Variants in RALGDS observed in about 807,000 individuals in gnomAD.
RALGDS encodes ral guanine nucleotide exchange factor.
RALGDS carries 44 observed loss-of-function variants against 99.8 expected under a neutral mutation model. The observed-to-expected ratio is 0.44, with a 90% CI of 0.35 to 0.57. The LOEUF (loss-of-function observed/expected upper bound fraction) is 0.57. Among genes scored for constraint, RALGDS ranks in the 20% least tolerant of loss-of-function variants. The pLI, the probability that RALGDS is intolerant of heterozygous loss-of-function variation, is 0.01. For missense variants in RALGDS, 1,022 were observed against 1,203.1 expected (o/e 0.85, Z 2.23); for synonymous variants, 529 against 505.0 (o/e 1.05, Z -0.64).
At chr9:133,123,747 GAC>G (rs1166799920), upstream of RALGDS, among the ~76,000 whole-genome samples, 8 of 90,944 alleles carry the variant, frequency 8.8e-5, 1 homozygote, top group Non-Finnish European at 1.6e-4. Context: ...TAGAGACAGA[GAC>G]ACAGACACAC....
At chr9:133,107,838 G>A (rs1277763903) in intron 6 of RALGDS, 150 bp downstream of exon 6, 2 of 980,190 alleles carry the variant, frequency 2.0e-6, no homozygotes, top group Non-Finnish European at 3.1e-6. Flanking sequence ...GAGGACTTGG[G>A]GTTAAGGAAC....
intron 16 of RALGDS, 197 bp from the exon 17 acceptor site, chr9:133,100,579 C>A: frequency 2.1e-6 from 3 of 1,448,210 alleles, no homozygotes; most frequent in Non-Finnish European, 2.7e-6. Context: ...TTCTGTTCCC[C>A]ATGTGAGGCC....
upstream of RALGDS, among the ~76,000 whole-genome samples, chr9:133,124,572 G>A (rs890833725): frequency 6.6e-6 from 1 of 152,266 alleles, no homozygotes; most frequent in African/African-American, 2.4e-5. Flanking sequence ...CAGATATAGA[G>A]ACATAGACAC....
Position 133,103,758 on chromosome 9 carries a change from C to T in RALGDS, c.1747G>A (p.Asp583Asn). 6.2e-7 allele frequency: 1 copy of T among 1,613,346 alleles called. No homozygotes were observed. The highest frequency in any genetic ancestry group is 8.5e-7 in the Non-Finnish European group (1 of 1,179,914). The change falls in exon 11 of 18, where the codon GAC becomes AAC. Residue 583 changes from aspartate (D) to asparagine (N), a missense_variant. Asp to Asn is a conservative substitution (Grantham distance 23). Coordinates refer to ENST00000372050, the MANE Select transcript of RALGDS (RefSeq NM_006266.4). ...CCCGGCACACTCACATACAGATAGTCCTTCATGGCAGTGTCCAGCATCACC... is the reference window on the plus strand; with the variant it reads ...CCCGGCACACTCACATACAGATAGTTCTTCATGGCAGTGTCCAGCATCACC... ...DLVMLDTAMK[D>N]YLYGRLINFE...
In RALGDS at chr9:133,140,288, A is replaced by C. The variant is rs545870811; in HGVS notation, c.18+8675T>G. 8.1e-4 allele frequency among the ~76,000 whole-genome samples: 98 copies of C among 121,484 alleles called. No individual in the cohort carries two copies. In the East Asian group the frequency reaches 0.019, roughly 24 times the overall value. 79.7% of individuals were successfully genotyped at this position (121,484 alleles called of 152,430 possible). A position where few individuals can be genotyped will look rare whatever the true frequency, so the allele number is the denominator to read the frequency against. On this transcript the variant is annotated intron_variant, in intron 1 of 17. Coordinates refer to the RALGDS transcript ENST00000393160. ...CATTACAGGCAAAGGGCACCCCCCC[A>C]CACACACATCTGGGATCAGGACAAA...
At chr9:133,135,076 A>C (rs1339778298), upstream of RALGDS, among the ~76,000 whole-genome samples, 1 of 152,108 alleles carries the variant, frequency 6.6e-6, no homozygotes, top group Non-Finnish European at 1.5e-5. Flanking sequence ...AATGACCTCC[A>C]GTTCACAGGA....
At chr9:133,130,818 G>A (rs1832313271) in intron 1 of RALGDS, 12 of 840,164 alleles carry the variant, frequency 1.4e-5, no homozygotes, top group Admixed American at 2.6e-5. Context: ...AAAAGTGTCT[G>A]TCCAGCTGCT....
rs891085331 is a variant in RALGDS, at chr9:133,144,975, C to G, written c.18+3988G>C. ...ACACGCACAGGCGGACAGACACGAA[C>G]TGATGAAGGCACAGTTTGCAGTCAC... On this transcript the variant is annotated intron_variant, in intron 1 of 17. Coordinates refer to the RALGDS transcript ENST00000393160. The surrounding 1 kb of genome is among the most constrained non-coding windows in gnomAD (Gnocchi z 4.5). Among the ~76,000 whole-genome samples, 1 of 152,212 alleles carries G rather than the reference C, an allele frequency of 6.6e-6. No individual in the cohort carries two copies. The highest frequency in any genetic ancestry group is 1.5e-5 in the Non-Finnish European group (1 of 68,034).
At position 133,102,548 on chromosome 9, in the gene RALGDS, T is replaced by C; in HGVS notation, c.1937A>G (p.Glu646Gly). 1 of 1,614,046 alleles carries C rather than the reference T, an allele frequency of 6.2e-7. No homozygotes were observed. Among genetic ancestry groups the C allele is most frequent in the Non-Finnish European group, 8.5e-7 (1 of 1,180,024 alleles). ...GTTGCTGGCTGACTCGGATGGGGGC[T>C]CCAGCTCGCACGACAGGTTGTAGCT... ...TESYNLSCEL[E>G]PPSESASNTL... Residue 646 changes from glutamate to glycine, a missense_variant, in exon 14 of 18, where the codon GAG (glutamate) becomes GGG (glycine). Transcript: ENST00000372050.
rs948598497 is a variant in RALGDS at position 133,121,237 on chromosome 9, C to T, written c.-83G>A. ...GGCCCGCGCGGCTGGGCTTTGCCAC[C>T]GCTGTGAGCCCGCGGCCCGGCCCTG... On this transcript the variant is annotated 5_prime_UTR_variant, in exon 1 of 18. Coordinates refer to ENST00000372050, the MANE Select transcript of RALGDS (RefSeq NM_006266.4). 3.1e-6 allele frequency: 3 copies of T among 979,732 alleles called. No homozygotes were observed. The highest frequency in any genetic ancestry group is 4.7e-5 in the South Asian group (1 of 21,304). The allele number at this position is 979,732 out of a possible 1,614,324, so 60.7% of individuals were successfully genotyped here. A position where few individuals can be genotyped will look rare whatever the true frequency, so the allele number is the denominator to read the frequency against.
Position 133,144,112 on chromosome 9 carries a change from C to T in RALGDS, c.18+4851G>A, listed in dbSNP as rs1302003662. ...GTCTCTATCTGCACAGACAGCCCAC[C>T]CGTGCCCAGGGCTGCCTTCCGAGCA... On this transcript the variant is annotated intron_variant, in intron 1 of 17. Transcript: ENST00000393160. The surrounding 1 kb of genome is among the most constrained non-coding windows in gnomAD (Gnocchi z 4.5). Among the ~76,000 whole-genome samples the T allele has an allele frequency of 6.6e-6, 1 of 152,148 alleles. No individual in the cohort carries two copies. The highest frequency in any genetic ancestry group is 2.4e-5 in the African/African-American group (1 of 41,430).
chr9:133,101,877 C>T (rs1431923009), intron 15 of RALGDS, 61 bp downstream of exon 15: 3 of 1,551,136 alleles, frequency 1.9e-6, no homozygotes, highest in Non-Finnish European at 1.7e-6. Context: ...TTCCTGGCCC[C>T]ATGCATGGAT....
chr9:133,146,438 C>A (rs901942720), intron 1 of RALGDS, among the ~76,000 whole-genome samples: 3 of 152,124 alleles, frequency 2.0e-5, no homozygotes, highest in Non-Finnish European at 2.9e-5. Flanking sequence ...GTGATCCACC[C>A]GCCTCGGCCT....
At chr9:133,099,973 C>G (rs1830678364) in intron 17 of RALGDS, 2 of 475,762 alleles carry the variant, frequency 4.2e-6, no homozygotes, top group Non-Finnish European at 7.7e-6. Context: ...AGAAAGAGTC[C>G]CTTCCAGTGG....
At chr9:133,133,508 G>A (rs1832377908), upstream of RALGDS, among the ~76,000 whole-genome samples, 1 of 152,210 alleles carries the variant, frequency 6.6e-6, no homozygotes, top group Non-Finnish European at 1.5e-5. Context: ...CCACATCACT[G>A]TCACTGCCTG....
chr9:133,126,876 A>G (rs1400507923), intron 1 of RALGDS, among the ~76,000 whole-genome samples: 3 of 152,100 alleles, frequency 2.0e-5, no homozygotes, highest in Non-Finnish European at 4.4e-5. Flanking sequence ...TCGTTTAGGG[A>G]AAAGGTGTGT....
chr9:133,098,508 G>T lies in RALGDS; in HGVS notation c.*79C>A. On this transcript the variant is annotated 3_prime_UTR_variant, in exon 18 of 18. Transcript: ENST00000372050. ...GGGTACCCTGGGCTGGCAGGTGGGA[G>T]GAAGGCGCCCAGCTGGCCTGGGCCA... The T allele has an allele frequency of 6.7e-7, 1 of 1,492,120 alleles. No homozygotes were observed. The highest frequency in any genetic ancestry group is 1.2e-5 in the South Asian group (1 of 86,732). 92.4% of individuals were successfully genotyped at this position (1,492,120 alleles called of 1,614,324 possible). A position where few individuals can be genotyped will look rare whatever the true frequency, so the allele number is the denominator to read the frequency against.
upstream of RALGDS, among the ~76,000 whole-genome samples, chr9:133,124,079 GACACAAAGAT>G (rs1564247825): frequency 9.9e-6 from 1 of 100,536 alleles, no homozygotes; most frequent in Admixed American, 1.1e-4. Context: ...CACACACACA[GACACAAAGAT>G]ACACAGAGAT....
Position 133,121,112 on chromosome 9 carries a change from C to T in RALGDS, c.43G>A (p.Gly15Ser), listed in dbSNP as rs1348086267. The T allele has an allele frequency of 5.4e-6, 8 of 1,468,348 alleles. No homozygotes were observed. The highest frequency in any genetic ancestry group is 1.5e-5 in the African/African-American group (1 of 67,658). 91.0% of individuals were successfully genotyped at this position (1,468,348 alleles called of 1,614,324 possible). Residue 15 changes from glycine to serine, a missense_variant, in exon 1 of 18, where the codon GGC (glycine) becomes AGC (serine). Around this residue, in one of 3 missense-constraint regions of RALGDS, gnomAD observed 180 missense variants for 169.3 expected, o/e 1.06. Coordinates refer to ENST00000372050, the MANE Select transcript of RALGDS (RefSeq NM_006266.4). ...GAGCCCGGAAACAGCGGCTCGGCGC[C>T]GCCAGCAGGCCCGGCCGCCTCGGCC... is the stretch of plus-strand genomic sequence containing the variant. ...MWAEAAGPAG[G>S]AEPLFPGSRR... is the part of the protein sequence containing the mutation.
Sources: gnomAD v4.1 joint callset for allele counts (sites outside exome capture counted in the v4.1 genomes callset) on GRCh38, gnomAD v4.1.1 for gene constraint, gnomAD v4.1.1 regional missense constraint, Gnocchi (gnomAD v3.1) non-coding constraint, MANE v1.5 for transcripts, NCBI Gene and HGNC (gene_info 2026-07-23, HGNC 2026-07-21) for gene names.